Variants in KHDC1 observed in about 807,000 individuals in gnomAD.
The protein encoded by KHDC1 is KH domain containing 1, also known as KH homology domain-containing protein 1.
In KHDC1, 21 loss-of-function variants were observed where a neutral mutation model predicts 24.7. The ratio of observed to expected loss-of-function variants is 0.85; its 90% confidence interval spans 0.60 to 1.23. The LOEUF is 1.23. Ranked by LOEUF, KHDC1 falls within the 50% of genes most tolerant of loss-of-function variation. The probability of loss-of-function intolerance (pLI) is 0.00; values close to 1 mark genes in which losing one functional copy is unlikely to be tolerated. For synonymous variants in KHDC1, 98 were observed against 111.7 expected (o/e 0.88, Z 0.77); for missense variants, 274 against 298.5 (o/e 0.92, Z 0.61).
intron 2 of KHDC1, among the ~76,000 whole-genome samples, chr6:73,285,787 A>G (rs575945935): frequency 1.6e-4 from 24 of 151,742 alleles, no homozygotes; most frequent in African/African-American, 4.8e-4. Flanking sequence ...ATATCTCCCA[A>G]TGCTATCCCT....
chr6:73,308,926 G>A (rs1187019362), intron 1 of KHDC1, among the ~76,000 whole-genome samples: 1 of 152,192 alleles, frequency 6.6e-6, no homozygotes, highest in East Asian at 1.9e-4. Flanking sequence ...CCTTCTCCCA[G>A]GATCAAGCGA....
intron 2 of KHDC1, among the ~76,000 whole-genome samples, chr6:73,258,444 A>T (rs894879930): frequency 6.6e-6 from 1 of 152,138 alleles, no homozygotes; most frequent in Non-Finnish European, 1.5e-5. Context: ...CCCTGTCTCA[A>T]AAAAGAAAAA....
At chr6:73,266,635 A>G (rs1396626727) in intron 2 of KHDC1, among the ~76,000 whole-genome samples, 1 of 152,240 alleles carries the variant, frequency 6.6e-6, no homozygotes, top group Non-Finnish European at 1.5e-5. Flanking sequence ...AAGTGGATCA[A>G]AGACCTAAAT....
chr6:73,243,315 G>A (rs574710253), intron 2 of KHDC1, among the ~76,000 whole-genome samples: 1 of 152,222 alleles, frequency 6.6e-6, no homozygotes, highest in African/African-American at 2.4e-5. Flanking sequence ...AACTATGCCT[G>A]TCAGCTCCCA....
chr6:73,263,255 T>C, intron 2 of KHDC1, 59 bp from the exon 1 acceptor site: 3 of 985,646 alleles, frequency 3.0e-6, no homozygotes, highest in Non-Finnish European at 3.6e-6. Context: ...AGAGCCCTCC[T>C]CCCGCCTGCT....
At chr6:73,248,836 C>G (rs763480811) in intron 2 of KHDC1, among the ~76,000 whole-genome samples, 1 of 151,068 alleles carries the variant, frequency 6.6e-6, no homozygotes, top group South Asian at 2.1e-4. Flanking sequence ...TTTGGTATTG[C>G]GTATCAGTGT....
chr6:73,286,783 C>T (rs1055186900), intron 2 of KHDC1, among the ~76,000 whole-genome samples: 6 of 151,146 alleles, frequency 4.0e-5, no homozygotes, highest in African/African-American at 1.2e-4. Flanking sequence ...CTCGGGAGGC[C>T]GAGGCAGGAG....
At chr6:73,300,222 A>C (rs529714087) in intron 1 of KHDC1, 1 of 152,382 alleles carries the variant, frequency 6.6e-6, no homozygotes, top group Admixed American at 6.5e-5. Context: ...TCAGGCTCTA[A>C]ACCTTGGACT....
At chr6:73,254,057 A>G (rs1766832783) in intron 2 of KHDC1, among the ~76,000 whole-genome samples, 1 of 152,202 alleles carries the variant, frequency 6.6e-6, no homozygotes, top group South Asian at 2.1e-4. Context: ...ATTTAAATGT[A>G]AAAAAGAAAA....
exon 3 of KHDC1, chr6:73,242,436 T>C: frequency 3.7e-6 from 6 of 1,614,194 alleles, no homozygotes; most frequent in Non-Finnish European, 5.1e-6. Flanking sequence ...TCCTCTTCCA[T>C]GTGAAACACC....
intron 1 of KHDC1, among the ~76,000 whole-genome samples, chr6:73,305,986 A>G (rs1479634689): frequency 1.3e-5 from 2 of 152,146 alleles, no homozygotes; most frequent in African/African-American, 4.8e-5. Flanking sequence ...TGAGCAAATT[A>G]TATTTTTAAG....
At chr6:73,257,290 T>C (rs185424389) in intron 2 of KHDC1, among the ~76,000 whole-genome samples, 1 of 152,212 alleles carries the variant, frequency 6.6e-6, no homozygotes, top group East Asian at 1.9e-4. Flanking sequence ...AGAGTTCGTC[T>C]CAAAAGAACA....
At chr6:73,242,063 T>C in exon 4 of KHDC1, 1 of 1,612,084 alleles carries the variant, frequency 6.2e-7, no homozygotes, top group Non-Finnish European at 8.5e-7. Context: ...ACCTCGAGCA[T>C]GATGATAGGA....
intron 2 of KHDC1, among the ~76,000 whole-genome samples, chr6:73,261,193 A>C (rs921298174): frequency 1.3e-5 from 2 of 152,210 alleles, no homozygotes; most frequent in African/African-American, 2.4e-5. Context: ...CTGTAATCCC[A>C]GCATTTTGGG....
chr6:73,281,532 G>T (rs555884245), intron 2 of KHDC1, among the ~76,000 whole-genome samples: 1 of 149,228 alleles, frequency 6.7e-6, no homozygotes, highest in Non-Finnish European at 1.5e-5. Flanking sequence ...CAGGAGAATC[G>T]CTTGAACCCA....
At chr6:73,258,122 G>T (rs1766913406) in intron 2 of KHDC1, among the ~76,000 whole-genome samples, 1 of 152,160 alleles carries the variant, frequency 6.6e-6, no homozygotes, top group African/African-American at 2.4e-5. Flanking sequence ...GGGCGTGGTG[G>T]TGCACACCTG....
intron 2 of KHDC1, among the ~76,000 whole-genome samples, chr6:73,246,324 T>C (rs752772676): frequency 3.9e-4 from 59 of 152,192 alleles, no homozygotes; most frequent in Admixed American, 8.5e-4. Context: ...TAACAGTAAA[T>C]TTAGAATTGT....
At chr6:73,299,813 G>T (rs1767832549) in intron 1 of KHDC1, 1 of 152,150 alleles carries the variant, frequency 6.6e-6, no homozygotes, top group African/African-American at 2.4e-5. Flanking sequence ...TGAGACCGCG[G>T]TGTGGTCTAG....
chr6:73,272,093 T>C (rs1475900703), intron 2 of KHDC1, among the ~76,000 whole-genome samples: 1 of 151,472 alleles, frequency 6.6e-6, no homozygotes, highest in East Asian at 2.0e-4. Flanking sequence ...GCACAATTTG[T>C]CTCTAAAGGT....
Sources: allele counts gnomAD v4.1 joint callset (sites outside exome capture counted in the v4.1 genomes callset), GRCh38; gene constraint gnomAD v4.1.1; transcripts MANE v1.5; gene names NCBI Gene and HGNC (gene_info 2026-07-23, HGNC 2026-07-21).